Variants in C3orf49 observed in about 807,000 individuals in gnomAD.
C3orf49 encodes chromosome 3 open reading frame 49, also known as putative uncharacterized protein C3orf49.
In C3orf49, 27 loss-of-function variants were observed where a neutral mutation model predicts 13.3. The observed-to-expected ratio is 2.02, with a 90% CI of 1.49 to 2.79. The LOEUF (loss-of-function observed/expected upper bound fraction) is 2.79, where lower values mean the gene tolerates loss of function less well. Ranked by LOEUF, C3orf49 falls within the 30% of genes most tolerant of loss-of-function variation. C3orf49 has a pLI of 0.00. For synonymous variants in C3orf49, 87 were observed against 47.6 expected, an observed-to-expected ratio of 1.83 and a Z score of -3.40; for missense variants, 242 against 134.2, an observed-to-expected ratio of 1.80 and a Z score of -3.97.
the C3orf49 span, among the ~76,000 whole-genome samples, chr3:63,795,417 C>A: frequency 1.3e-5 from 2 of 152,140 alleles, no homozygotes. Context: ...TCTTTCATTG[C>A]CTCACTCGTT....
upstream of C3orf49, among the ~76,000 whole-genome samples, chr3:63,816,764 CTTTTCTTTT>C (rs1285178359): frequency 2.9e-3 from 230 of 80,700 alleles, 1 homozygote; most frequent in African/African-American, 8.9e-3. Flanking sequence ...ATTTTCTTTT[CTTTTCTTTT>C]TTTTTTTTTT....
intron 2 of C3orf49, among the ~76,000 whole-genome samples, chr3:63,823,837 A>G (rs1575796266): frequency 1.5e-5 from 2 of 135,010 alleles, no homozygotes; most frequent in Non-Finnish European, 1.6e-5. Context: ...ATCTCGCTCT[A>G]TCACCCAGGC....
chr3:63,832,091 G>A, intron 5 of C3orf49: 1 of 349,084 alleles, frequency 2.9e-6, no homozygotes, highest in South Asian at 4.9e-5. Context: ...CTACTCGGGA[G>A]GCTGAGGCAG....
intron 5 of C3orf49, among the ~76,000 whole-genome samples, chr3:63,843,762 A>G (rs569304208): frequency 2.0e-5 from 3 of 152,202 alleles, no homozygotes; most frequent in Non-Finnish European, 2.9e-5. Context: ...TTAGCCAGGC[A>G]TGGTGGCTGG....
At chr3:63,834,233 A>G (rs1701580403) in intron 5 of C3orf49, 1 of 1,604,440 alleles carries the variant, frequency 6.2e-7, no homozygotes, top group East Asian at 2.2e-5. Context: ...AACCTTAGTC[A>G]AGTTTGCCTA....
chr3:63,827,580 CT>C lies in C3orf49; in HGVS notation c.446-16del. On this transcript the variant is annotated intron_variant, in intron 2 of 6. Coordinates refer to ENST00000295896, the MANE Select transcript of C3orf49 (RefSeq NM_001355236.2). ...TCCTCATTGTGATCCTTACAGATTCCTTTTTCCCCCTTTCTTGAAGCGACTA... is the reference window on the plus strand; with the variant it reads ...TCCTCATTGTGATCCTTACAGATTCCTTTTCCCCCTTTCTTGAAGCGACTA... 4.3e-6 allele frequency: 3 copies of C among 698,376 alleles called. No homozygotes were observed. Among genetic ancestry groups the C allele is most frequent in the East Asian group, 2.7e-5 (1 of 37,222 alleles). 43.3% of individuals were successfully genotyped at this position (698,376 alleles called of 1,614,324 possible).
chr3:63,838,236 T>A (rs1197822865), intron 5 of C3orf49: 3 of 907,772 alleles, frequency 3.3e-6, no homozygotes, highest in East Asian at 5.4e-5. Flanking sequence ...TTTTTATAGC[T>A]AACATTTACT....
upstream of C3orf49, among the ~76,000 whole-genome samples, chr3:63,818,217 G>A (rs545323688): frequency 6.6e-6 from 1 of 152,002 alleles, no homozygotes. Context: ...TATGGCTTGG[G>A]CACTATGAGT....
the C3orf49 span, among the ~76,000 whole-genome samples, chr3:63,806,564 T>C: frequency 1.3e-5 from 2 of 152,248 alleles, no homozygotes; most frequent in Non-Finnish European, 1.5e-5. Context: ...AGAAAGGTCT[T>C]CTGCCTTGCC....
the C3orf49 span, among the ~76,000 whole-genome samples, chr3:63,811,960 T>C: frequency 6.6e-6 from 1 of 151,826 alleles, no homozygotes; most frequent in African/African-American, 2.4e-5. Flanking sequence ...TTGAACTCTG[T>C]TCATGGAGAT....
chr3:63,801,131 C>G, the C3orf49 span, among the ~76,000 whole-genome samples: 1 of 152,130 alleles, frequency 6.6e-6, no homozygotes, highest in Non-Finnish European at 1.5e-5. Flanking sequence ...CTACTGTGTA[C>G]CTGGCACTTT....
chr3:63,836,094 C>G (rs756911418), intron 5 of C3orf49, among the ~76,000 whole-genome samples: 1 of 151,838 alleles, frequency 6.6e-6, no homozygotes, highest in Non-Finnish European at 1.5e-5. Context: ...GATATTGATG[C>G]ATATTATATG....
intron 5 of C3orf49, chr3:63,834,219 A>T: frequency 6.2e-7 from 1 of 1,613,096 alleles, no homozygotes; most frequent in Non-Finnish European, 8.5e-7. Flanking sequence ...AGAAGGAAAC[A>T]TAAAACCTTA....
intron 5 of C3orf49, among the ~76,000 whole-genome samples, chr3:63,837,058 C>T (rs1297576191): frequency 6.6e-6 from 1 of 151,434 alleles, no homozygotes; most frequent in Admixed American, 6.6e-5. Flanking sequence ...AAAAAAAAAA[C>T]TTGTAAAAAG....
chr3:63,835,311 T>G, intron 5 of C3orf49: 1 of 1,613,474 alleles, frequency 6.2e-7, no homozygotes. Context: ...AGGCTAAATA[T>G]ATATGCGAAT....
chr3:63,806,250 G>A, the C3orf49 span, among the ~76,000 whole-genome samples: 1 of 152,192 alleles, frequency 6.6e-6, no homozygotes, highest in Non-Finnish European at 1.5e-5. Context: ...TCGAGCTCTG[G>A]TTGCCCCTGG....
the C3orf49 span, among the ~76,000 whole-genome samples, chr3:63,797,583 T>C: frequency 1.3e-5 from 2 of 152,152 alleles, no homozygotes; most frequent in African/African-American, 4.8e-5. Flanking sequence ...CAGTAATTCA[T>C]CAAAGCTACC....
At chr3:63,796,582 T>C in the C3orf49 span, among the ~76,000 whole-genome samples, 2 of 152,284 alleles carry the variant, frequency 1.3e-5, no homozygotes, top group East Asian at 1.9e-4. Context: ...CCCCAAGATA[T>C]ATGCAATATA....
the C3orf49 span, among the ~76,000 whole-genome samples, chr3:63,804,000 G>A: frequency 2.0e-5 from 3 of 151,972 alleles, no homozygotes; most frequent in Non-Finnish European, 4.4e-5. Context: ...CTCATAAGGA[G>A]AACGCAACCT....
Sources: allele counts gnomAD v4.1 joint callset (sites outside exome capture counted in the v4.1 genomes callset), GRCh38; gene constraint gnomAD v4.1.1; transcripts MANE v1.5; gene names NCBI Gene and HGNC (gene_info 2026-07-23, HGNC 2026-07-21).